ZC3H12B: variants seen among roughly 807,000 people sequenced by gnomAD.
The protein encoded by ZC3H12B is probable ribonuclease ZC3H12B.
ZC3H12B carries 7 observed loss-of-function variants against 43.9 expected under a neutral mutation model. The ratio of observed to expected loss-of-function variants is 0.16; its 90% CI spans 0.09 to 0.30. The LOEUF is 0.30. Among genes scored for constraint, ZC3H12B ranks in the 10% least tolerant of loss-of-function variants. The pLI is 1.00. For synonymous variants in ZC3H12B, 222 were observed against 241.7 expected (o/e 0.92, Z 0.76); for missense variants, 475 against 670.2 (o/e 0.71, Z 3.22).
the ZC3H12B span, among the ~76,000 whole-genome samples, chrX:65,154,309 T>C: frequency 1.2e-4 from 13 of 112,388 alleles, no homozygotes; most frequent in African/African-American, 4.2e-4. Context: ...TTTTGTTAAA[T>C]TTTTTCCTAC....
At chrX:65,374,733 G>A (rs2066320900) in intron 2 of ZC3H12B, among the ~76,000 whole-genome samples, 1 of 111,017 alleles carries the variant, frequency 9.0e-6, no homozygotes, top group African/African-American at 3.3e-5. Context: ...GGTTCTGCAG[G>A]GCTCGGGAGG....
At chrX:65,351,689 T>G in the ZC3H12B span, among the ~76,000 whole-genome samples, 2 of 112,551 alleles carry the variant, frequency 1.8e-5, no homozygotes, top group Admixed American at 1.9e-4. Context: ...AAGAAGACAT[T>G]TATGCAGCTA....
At chrX:65,211,954 TATATA>T in the ZC3H12B span, among the ~76,000 whole-genome samples, 1 of 70,974 alleles carries the variant, frequency 1.4e-5, no homozygotes, top group African/African-American at 6.1e-5. Flanking sequence ...TACTATATAA[TATATA>T]ATATATGTTA....
the ZC3H12B span, among the ~76,000 whole-genome samples, chrX:65,212,300 A>ATATATTATATAT: frequency 4.0e-5 from 2 of 50,384 alleles, no homozygotes; most frequent in East Asian, 1.7e-3. Context: ...ATATTATATA[A>ATATATTATATAT]TATATAATAT....
At chrX:65,164,012 A>T in the ZC3H12B span, among the ~76,000 whole-genome samples, 1 of 112,116 alleles carries the variant, frequency 8.9e-6, no homozygotes, top group Non-Finnish European at 1.9e-5. Flanking sequence ...CTGTCGTTAT[A>T]GCCTGATGAT....
chrX:65,260,968 C>G, the ZC3H12B span, among the ~76,000 whole-genome samples: 1 of 111,875 alleles, frequency 8.9e-6, no homozygotes, highest in African/African-American at 3.2e-5. Context: ...AAAGCCATAG[C>G]ACAGTGCCTG....
chrX:65,448,983 A>AAGAAAGAAAGAAAG (rs1402616904), intron 3 of ZC3H12B, among the ~76,000 whole-genome samples: 5 of 95,235 alleles, frequency 5.3e-5, no homozygotes, highest in African/African-American at 2.5e-4. Context: ...AAGAAAGAGA[A>AAGAAAGAAAGAAAG]AGAAAGAAAG....
chrX:65,251,431 G>T, the ZC3H12B span, among the ~76,000 whole-genome samples: 1 of 111,329 alleles, frequency 9.0e-6, no homozygotes, highest in African/African-American at 3.3e-5. Context: ...GCTCTTTCTT[G>T]GTTCCATATG....
the ZC3H12B span, among the ~76,000 whole-genome samples, chrX:65,213,276 A>G: frequency 9.1e-6 from 1 of 110,482 alleles, no homozygotes. Context: ...TACTCTATCT[A>G]CCACATTTTA....
At chrX:65,485,914 C>T (rs955308282), upstream of ZC3H12B, among the ~76,000 whole-genome samples, 1 of 112,062 alleles carries the variant, frequency 8.9e-6, no homozygotes, top group African/African-American at 3.2e-5. Context: ...CTCACCACAT[C>T]ACTATAAGCT....
At chrX:65,157,481 C>G in the ZC3H12B span, among the ~76,000 whole-genome samples, 1 of 111,241 alleles carries the variant, frequency 9.0e-6, no homozygotes, top group African/African-American at 3.3e-5. Flanking sequence ...TGCTTTTTGC[C>G]TTGGTCTATT....
At chrX:65,319,257 C>G in the ZC3H12B span, among the ~76,000 whole-genome samples, 1 of 111,061 alleles carries the variant, frequency 9.0e-6, no homozygotes, top group Non-Finnish European at 1.9e-5. Flanking sequence ...ACCACTGAAC[C>G]CACAAAAATA....
At chrX:65,481,215 T>A (rs995737453) in intron 3 of ZC3H12B, among the ~76,000 whole-genome samples, 4 of 111,459 alleles carry the variant, frequency 3.6e-5, no homozygotes, top group African/African-American at 1.3e-4. Context: ...AGCTCAAATT[T>A]CACCTCTCTT....
intron 3 of ZC3H12B, among the ~76,000 whole-genome samples, chrX:65,456,623 T>G (rs958959668): frequency 9.3e-6 from 1 of 106,952 alleles, no homozygotes; most frequent in African/African-American, 3.4e-5. Context: ...TTTTTTTTTT[T>G]GGTGGAGACG....
At chrX:65,133,130 C>T in the ZC3H12B span, among the ~76,000 whole-genome samples, 3 of 111,344 alleles carry the variant, frequency 2.7e-5, no homozygotes, top group African/African-American at 6.5e-5. Context: ...TGGAGGAATG[C>T]GTGGCCACTG....
the ZC3H12B span, chrX:65,187,143 C>A: frequency 8.9e-6 from 1 of 112,032 alleles, no homozygotes; most frequent in Non-Finnish European, 1.9e-5. Flanking sequence ...ACCTATCTTT[C>A]TTAGCTTTCC....
chrX:65,180,672 A>G, the ZC3H12B span, among the ~76,000 whole-genome samples: 1 of 111,315 alleles, frequency 9.0e-6, no homozygotes, highest in Non-Finnish European at 1.9e-5. Context: ...GAATTGCTAC[A>G]AACAGCATAA....
chrX:65,264,559 A>T, the ZC3H12B span, among the ~76,000 whole-genome samples: 4 of 112,195 alleles, frequency 3.6e-5, no homozygotes, highest in Non-Finnish European at 5.6e-5. Flanking sequence ...TAAATAACCA[A>T]TAATATTCAT....
the ZC3H12B span, among the ~76,000 whole-genome samples, chrX:65,118,727 T>A: frequency 9.1e-6 from 1 of 109,702 alleles, no homozygotes; most frequent in Admixed American, 9.7e-5. Flanking sequence ...TGTATACATT[T>A]GCCATGTTGG....
Sources: gnomAD v4.1 joint callset for allele counts (sites outside exome capture counted in the v4.1 genomes callset) on GRCh38, gnomAD v4.1.1 for gene constraint, MANE v1.5 for transcripts, NCBI Gene and HGNC (gene_info 2026-07-23, HGNC 2026-07-21) for gene names.